Variants in USP25 observed in about 807,000 individuals in gnomAD.
The protein encoded by USP25 is ubiquitin specific peptidase 25.
USP25 carries 85 observed loss-of-function variants against 158.5 expected under a neutral mutation model. That is an observed-to-expected ratio of 0.54 (90% CI 0.45 to 0.64). USP25 has a LOEUF of 0.64. USP25 is among the 30% of genes least tolerant of loss of function. USP25 has a pLI of 0.00. For missense variants in USP25, 1,242 were observed against 1,327.3 expected, an observed-to-expected ratio of 0.94 and a Z score of 1.00; for synonymous variants, 464 against 460.4, an observed-to-expected ratio of 1.01 and a Z score of -0.10.
chr21:15,746,196 T>G (rs1002247043), intron 1 of USP25, among the ~76,000 whole-genome samples: 8 of 152,346 alleles, frequency 5.3e-5, no homozygotes, highest in African/African-American at 1.9e-4. Context: ...TATACAATTC[T>G]GAGGTACTTT....
At chr21:15,805,470 T>G in intron 7 of USP25, 1 of 376,266 alleles carries the variant, frequency 2.7e-6, no homozygotes, top group African/African-American at 2.1e-5. Flanking sequence ...ATGATTGAAA[T>G]GAAAACGATG....
At chr21:15,779,893 CA>C (rs2034868665) in intron 4 of USP25, among the ~76,000 whole-genome samples, 1 of 151,946 alleles carries the variant, frequency 6.6e-6, no homozygotes, top group Non-Finnish European at 1.5e-5. Flanking sequence ...CAATAACCCG[CA>C]ATGAGCAAAT....
At chr21:15,809,663 G>C (rs1352424730) in intron 8 of USP25, among the ~76,000 whole-genome samples, 1 of 152,152 alleles carries the variant, frequency 6.6e-6, no homozygotes, top group Non-Finnish European at 1.5e-5. Context: ...ATATCCAAAA[G>C]AATTGAAAGC....
chr21:15,771,586 G>A (rs938410786), intron 3 of USP25, among the ~76,000 whole-genome samples: 9 of 152,080 alleles, frequency 5.9e-5, no homozygotes, highest in East Asian at 1.9e-4. Context: ...CAGTATTCTC[G>A]TTTCTGATCT....
intron 2 of USP25, 134 bp downstream of exon 2, chr21:15,763,102 G>A (rs974496356): frequency 4.0e-6 from 3 of 752,890 alleles, no homozygotes; most frequent in Admixed American, 3.4e-5. Flanking sequence ...ACTTTGTAAA[G>A]TAAAATCCTC....
intron 10 of USP25, among the ~76,000 whole-genome samples, chr21:15,821,034 G>A (rs1192528336): frequency 6.6e-6 from 1 of 151,970 alleles, no homozygotes; most frequent in Non-Finnish European, 1.5e-5. Context: ...TTGTAGATGA[G>A]TCAGACTCTC....
At chr21:15,736,498 A>C (rs1229890488) in intron 1 of USP25, among the ~76,000 whole-genome samples, 2 of 152,156 alleles carry the variant, frequency 1.3e-5, no homozygotes, top group Non-Finnish European at 2.9e-5. Flanking sequence ...TCCATTTATT[A>C]GTCTTGTTTT....
At chr21:15,744,665 G>A (rs547814722) in intron 1 of USP25, among the ~76,000 whole-genome samples, 16 of 151,886 alleles carry the variant, frequency 1.1e-4, no homozygotes, top group South Asian at 2.1e-4. Flanking sequence ...CTCAGCTCAC[G>A]GCAGCCCCCA....
chr21:15,872,348 A>G (rs1485251897), intron 23 of USP25, among the ~76,000 whole-genome samples: 1 of 152,186 alleles, frequency 6.6e-6, no homozygotes, highest in Non-Finnish European at 1.5e-5. Flanking sequence ...TTGATAACAT[A>G]TGGAACATTT....
At chr21:15,798,543 T>C (rs1249904086) in intron 5 of USP25, among the ~76,000 whole-genome samples, 6 of 151,228 alleles carry the variant, frequency 4.0e-5, no homozygotes, top group African/African-American at 1.5e-4. Flanking sequence ...CTTCTACTCT[T>C]ACTGTTTTAA....
intron 1 of USP25, among the ~76,000 whole-genome samples, chr21:15,748,531 G>A (rs1160654921): frequency 7.3e-6 from 1 of 136,600 alleles, no homozygotes; most frequent in African/African-American, 2.8e-5. Context: ...AATTCCTGGT[G>A]TTAAGCAAAC....
rs190209301 is a variant in USP25, at chr21:15,823,963, C to T, written c.1081-76C>T. The T allele has an allele frequency of 8.2e-4, 1,179 of 1,430,748 alleles. 4 individuals are homozygous for T. In the Middle Eastern group the frequency reaches 0.013, roughly 16 times the overall value. The allele number at this position is 1,430,748 out of a possible 1,614,324, so 88.6% of individuals were successfully genotyped here. A position where few individuals can be genotyped will look rare whatever the true frequency, so the allele number is the denominator to read the frequency against. On this transcript the variant is annotated intron_variant, in intron 10 of 25. Transcript: ENST00000400183. ...ATACATATAACAATGTCAGTGCCCA[C>T]ATCCTGTGCCTAAGATTGCAGTGAA...
intron 10 of USP25, among the ~76,000 whole-genome samples, chr21:15,821,206 C>T (rs936554100): frequency 6.6e-6 from 1 of 151,840 alleles, no homozygotes; most frequent in Non-Finnish European, 1.5e-5. Context: ...GTCCACACTG[C>T]CCCGAAAGTT....
intron 3 of USP25, among the ~76,000 whole-genome samples, chr21:15,767,994 A>T (rs1244184523): frequency 1.3e-5 from 2 of 152,094 alleles, no homozygotes; most frequent in East Asian, 3.9e-4. Flanking sequence ...AGGTTCCCTT[A>T]GGGAGAAGGC....
chr21:15,866,830 A>T (rs1399401044), intron 22 of USP25, among the ~76,000 whole-genome samples: 1 of 152,146 alleles, frequency 6.6e-6, no homozygotes, highest in Non-Finnish European at 1.5e-5. Context: ...CACACGAGAA[A>T]ATAAGGCATA....
At chr21:15,763,738 A>G (rs1301342974) in intron 2 of USP25, among the ~76,000 whole-genome samples, 1 of 152,198 alleles carries the variant, frequency 6.6e-6, no homozygotes, top group East Asian at 1.9e-4. Context: ...TTGTTTTTAG[A>G]AATAATCTAT....
Position 15,730,433 on chromosome 21 carries a change from CAGA to C in USP25, c.43_45del (p.Lys15del), listed in dbSNP as rs1229972546. The C allele has an allele frequency of 7.3e-6, 10 of 1,365,182 alleles. No individual in the cohort carries two copies. Among genetic ancestry groups the C allele is most frequent in the Non-Finnish European group, 9.5e-6 (10 of 1,049,852 alleles). 84.6% of individuals were successfully genotyped at this position (1,365,182 alleles called of 1,614,324 possible). A position where few individuals can be genotyped will look rare whatever the true frequency, so the allele number is the denominator to read the frequency against. On this transcript the variant is annotated inframe_deletion and splice_region_variant, in exon 1 of 26. Coordinates refer to ENST00000400183, the MANE Select transcript of USP25 (RefSeq NM_001283041.3). ...GAACGTGCTGCAGCAGAGCGCGGCG[CAGA>C]AGGTGAGGCGAGTCCGCCAGCCGGC...
chr21:15,798,547 G>A (rs2035973925), intron 5 of USP25, among the ~76,000 whole-genome samples: 1 of 151,026 alleles, frequency 6.6e-6, no homozygotes, highest in Non-Finnish European at 1.5e-5. Context: ...TACTCTTACT[G>A]TTTTAAAAAG....
chr21:15,834,010 A>G (rs1055147613), intron 17 of USP25, among the ~76,000 whole-genome samples: 36 of 152,350 alleles, frequency 2.4e-4, no homozygotes, highest in African/African-American at 8.4e-4. Context: ...CAATAGTAAA[A>G]TACTACCATT....
Sources: allele counts gnomAD v4.1 joint callset (sites outside exome capture counted in the v4.1 genomes callset), GRCh38; gene constraint gnomAD v4.1.1; transcripts MANE v1.5; gene names NCBI Gene and HGNC (gene_info 2026-07-23, HGNC 2026-07-21).